The following OTOF variants were observed in gnomAD, a reference collection of about 807,000 sequenced individuals.
OTOF encodes the protein otoferlin, also known as fer-1-like family member 2.
A neutral mutation model predicts 236.8 loss-of-function variants in OTOF; 218 were observed. The observed-to-expected ratio is 0.92, with a 90% CI of 0.82 to 1.03. The LOEUF is 1.03. Ranked by LOEUF, OTOF falls within the 50% of genes least tolerant of loss-of-function variation. The pLI, the probability that OTOF is intolerant of heterozygous loss-of-function variation, is 0.00. For missense variants in OTOF, 2,590 were observed against 2,694.4 expected (o/e 0.96, Z 0.86); for synonymous variants, 1,041 against 1,072.5 (o/e 0.97, Z 0.57).
chr2:26,512,216 G>A (rs1572464911), intron 5 of OTOF, among the ~76,000 whole-genome samples: 2 of 152,284 alleles, frequency 1.3e-5, no homozygotes, highest in African/African-American at 2.4e-5. Context: ...ATGAGAAGAG[G>A]AGATAGTCGC....
chr2:26,480,775 T>TG lies in OTOF; in HGVS notation c.1803+10dup, dbSNP rs755835793. The TG allele has an allele frequency of 3.2e-5, 52 of 1,608,042 alleles. No homozygotes were observed. In the African/African-American group the frequency reaches 6.1e-4, roughly 19 times the overall value. On this transcript the variant is annotated intron_variant, in intron 15 of 46. Transcript: ENST00000272371. ...AGGCCCTGGGGGACAGCACAGTGCC[T>TG]GGGGTCTCACCTCCGAGATGGGCGT... is the stretch of plus-strand genomic sequence containing the variant.
rs766374350 is a variant in OTOF at position 26,477,293 on chromosome 2, G to A, written c.2407-5C>T. The A allele has an allele frequency of 1.2e-5, 20 of 1,608,326 alleles. No individual in the cohort carries two copies. The highest frequency in any genetic ancestry group is 1.2e-4 in the Admixed American group (7 of 59,592). On this transcript the variant is annotated splice_polypyrimidine_tract_variant and splice_region_variant and intron_variant, in intron 20 of 46. Coordinates refer to ENST00000272371, the MANE Select transcript of OTOF (RefSeq NM_194248.3). This position sits in a 1 kb window ranked among gnomAD's most constrained non-coding sequence, Gnocchi z 4.7. ...GGCCTGCTGCCCCATGTTTTCCTGC[G>A]AAGGAGGGGGTGTCAGTGAACCCAG...
intron 30 of OTOF, 180 bp downstream of exon 30, chr2:26,472,339 T>A (rs1004200705): frequency 1.7e-5 from 13 of 755,090 alleles, no homozygotes; most frequent in African/African-American, 3.4e-5. Context: ...GCGTGTGCAT[T>A]CCAGGATAGT....
intron 9 of OTOF, among the ~76,000 whole-genome samples, chr2:26,490,005 G>A (rs1374223441): frequency 1.3e-5 from 2 of 152,244 alleles, no homozygotes; most frequent in African/African-American, 2.4e-5. Flanking sequence ...AGGTGGGACA[G>A]CCCATGCCCT....
At chr2:26,508,802 T>C (rs544888146) in intron 5 of OTOF, among the ~76,000 whole-genome samples, 1 of 152,234 alleles carries the variant, frequency 6.6e-6, no homozygotes, top group Non-Finnish European at 1.5e-5. Context: ...ATTTCAGAGA[T>C]TGAAATCTGT....
chr2:26,517,267 C>CAGTGCA (rs1193643085), intron 4 of OTOF, among the ~76,000 whole-genome samples: 1 of 152,134 alleles, frequency 6.6e-6, no homozygotes, highest in Non-Finnish European at 1.5e-5. Flanking sequence ...AGTTTCCCCC[C>CAGTGCA]CAGTGCACAG....
At chr2:26,519,574 A>G (rs1304038431) in intron 3 of OTOF, among the ~76,000 whole-genome samples, 1 of 152,168 alleles carries the variant, frequency 6.6e-6, no homozygotes, top group Non-Finnish European at 1.5e-5. Flanking sequence ...TGCAGCCTGT[A>G]AGTTCCTGGA....
At chr2:26,512,183 G>C (rs1245791166) in intron 5 of OTOF, among the ~76,000 whole-genome samples, 1 of 152,224 alleles carries the variant, frequency 6.6e-6, no homozygotes, top group Non-Finnish European at 1.5e-5. Flanking sequence ...TGGAGGGCAG[G>C]AGAGCCAGGC....
intron 46 of OTOF, among the ~76,000 whole-genome samples, chr2:26,458,632 G>A (rs1187137305): frequency 6.6e-6 from 1 of 152,174 alleles, no homozygotes; most frequent in African/African-American, 2.4e-5. Context: ...CTGAGGGTCT[G>A]AGCAGCCCCT....
chr2:26,501,795 T>C lies in OTOF; in HGVS notation c.724A>G (p.Ile242Val). ...NVSNKRSKPD[I>V]KMEPSAGRPM... ...CGCCCAGCACTTGGCTCCATCTTAA[T>C]GTCTGGCTTAGATCTGAGGAAGAGA... The change falls in exon 8 of 47, where the codon ATT becomes GTT. Residue 242 changes from isoleucine to valine, a missense_variant. Around this residue, in one of 2 missense-constraint regions of OTOF, gnomAD observed 1,379 missense variants for 1,341.6 expected, o/e 1.03. Transcript: ENST00000272371. 1 of 1,613,732 alleles carries C rather than the reference T, an allele frequency of 6.2e-7. No homozygotes were observed. Among genetic ancestry groups the C allele is most frequent in the South Asian group, 1.1e-5 (1 of 91,080 alleles).
intron 1 of OTOF, among the ~76,000 whole-genome samples, chr2:26,540,448 C>A (rs1056464648): frequency 3.9e-5 from 6 of 152,208 alleles, no homozygotes; most frequent in Non-Finnish European, 8.8e-5. Flanking sequence ...GTCAGAGCTC[C>A]TCTGAACCTT....
intron 15 of OTOF, 35 bp downstream of exon 15, chr2:26,480,751 G>A: frequency 1.3e-6 from 2 of 1,558,530 alleles, no homozygotes; most frequent in Non-Finnish European, 1.8e-6. Flanking sequence ...CTGAGCTGGA[G>A]GCCCTGGGGG....
intron 8 of OTOF, among the ~76,000 whole-genome samples, chr2:26,498,256 G>A (rs940487133): frequency 1.3e-5 from 2 of 152,210 alleles, no homozygotes; most frequent in Non-Finnish European, 2.9e-5. Context: ...AGGGTGGAGG[G>A]GAAGGTGGGC....
In OTOF at chr2:26,477,815, C is replaced by G; in HGVS notation, c.2215-66G>C. 1 of 1,596,506 alleles carries G rather than the reference C, an allele frequency of 6.3e-7. No individual in the cohort carries two copies. Among genetic ancestry groups the G allele is most frequent in the South Asian group, 1.1e-5 (1 of 89,026 alleles). On this transcript the variant is annotated intron_variant, in intron 18 of 46. Transcript: ENST00000272371. The surrounding 1 kb of genome is among the most constrained non-coding windows in gnomAD (Gnocchi z 4.7). ...GCCTCCCCAGCCTCCCCAAATGCCT[C>G]CTCCCTGTTGATCAGGGGAGTGAGG... is the stretch of plus-strand genomic sequence containing the variant.
At chr2:26,544,309 G>T (rs1194002005) in intron 1 of OTOF, among the ~76,000 whole-genome samples, 1 of 152,062 alleles carries the variant, frequency 6.6e-6, no homozygotes, top group African/African-American at 2.4e-5. Flanking sequence ...ATTTCCATTT[G>T]TTCCACATGT....
At chr2:26,512,432 G>A (rs1666414036) in intron 5 of OTOF, among the ~76,000 whole-genome samples, 1 of 152,244 alleles carries the variant, frequency 6.6e-6, no homozygotes, top group African/African-American at 2.4e-5. Context: ...ACATGTGTGT[G>A]CATGTGAGTG....
chr2:26,488,755 C>G (rs1444732099), intron 11 of OTOF, among the ~76,000 whole-genome samples: 1 of 152,184 alleles, frequency 6.6e-6, no homozygotes, highest in East Asian at 1.9e-4. Flanking sequence ...TAAAAGGGGA[C>G]GGCAGGGTCC....
chr2:26,509,195 C>T (rs1000381138), intron 5 of OTOF, among the ~76,000 whole-genome samples: 3 of 152,184 alleles, frequency 2.0e-5, no homozygotes, highest in African/African-American at 7.2e-5. Flanking sequence ...GATGGACAGG[C>T]TGCTTGTATC....
At chr2:26,517,367 A>G (rs1666560208) in intron 4 of OTOF, among the ~76,000 whole-genome samples, 1 of 152,222 alleles carries the variant, frequency 6.6e-6, no homozygotes. Flanking sequence ...TCCAGCACCC[A>G]GGCTTAGATT....
Sources: allele counts gnomAD v4.1 joint callset (sites outside exome capture counted in the v4.1 genomes callset), GRCh38; gene constraint gnomAD v4.1.1; regional missense constraint gnomAD v4.1.1; non-coding constraint Gnocchi (gnomAD v3.1); transcripts MANE v1.5; gene names NCBI Gene and HGNC (gene_info 2026-07-23, HGNC 2026-07-21).